ZC3H12B: variants seen among roughly 807,000 people sequenced by gnomAD.
ZC3H12B encodes the protein zinc finger CCCH-type containing 12B, also known as probable ribonuclease ZC3H12B.
In ZC3H12B, 7 loss-of-function variants were observed where a neutral mutation model predicts 43.9. The ratio of observed to expected loss-of-function variants is 0.16; its 90% CI spans 0.09 to 0.30. The LOEUF (loss-of-function observed/expected upper bound fraction) is 0.30. ZC3H12B is among the 10% of genes least tolerant of loss of function. The pLI is 1.00. For synonymous variants in ZC3H12B, 222 were observed against 241.7 expected, an observed-to-expected ratio of 0.92 and a Z score of 0.76; for missense variants, 475 against 670.2, an observed-to-expected ratio of 0.71 and a Z score of 3.22.
At chrX:65,354,287 C>T in the ZC3H12B span, among the ~76,000 whole-genome samples, 1 of 112,120 alleles carries the variant, frequency 8.9e-6, no homozygotes, top group Non-Finnish European at 1.9e-5. Flanking sequence ...CTTTGCTGTT[C>T]TGCAACATCT....
At chrX:65,265,806 A>G in the ZC3H12B span, among the ~76,000 whole-genome samples, 1 of 112,179 alleles carries the variant, frequency 8.9e-6, no homozygotes, top group African/African-American at 3.2e-5. Flanking sequence ...ATAAATAATA[A>G]GAAAACCAGC....
At chrX:65,058,702 C>A in the ZC3H12B span, among the ~76,000 whole-genome samples, 1 of 112,054 alleles carries the variant, frequency 8.9e-6, no homozygotes, top group Non-Finnish European at 1.9e-5. Context: ...GGCAGACCTC[C>A]TTCAGCTGTG....
At chrX:65,457,553 G>A (rs1302004938) in intron 3 of ZC3H12B, among the ~76,000 whole-genome samples, 30 of 86,065 alleles carry the variant, frequency 3.5e-4, no homozygotes, top group East Asian at 2.6e-3. Flanking sequence ...CCACGACCCC[G>A]TCTGGGAGGT....
At chrX:65,180,463 G>A in the ZC3H12B span, among the ~76,000 whole-genome samples, 2 of 110,263 alleles carry the variant, frequency 1.8e-5, no homozygotes, top group Non-Finnish European at 3.8e-5. Flanking sequence ...AGGAAGAGAG[G>A]AATTCAAATT....
the ZC3H12B span, among the ~76,000 whole-genome samples, chrX:65,317,382 A>T: frequency 4.7e-4 from 52 of 110,697 alleles, no homozygotes; most frequent in Non-Finnish European, 5.5e-4. Context: ...ACTCTTTTAA[A>T]TTTTTTTATT....
At chrX:65,274,397 A>G in the ZC3H12B span, among the ~76,000 whole-genome samples, 4 of 110,378 alleles carry the variant, frequency 3.6e-5, no homozygotes, top group Non-Finnish European at 7.6e-5. Context: ...GCTACTGCAT[A>G]TCTCCAGCAC....
chrX:65,154,916 GTTA>G, the ZC3H12B span, among the ~76,000 whole-genome samples: 1 of 110,236 alleles, frequency 9.1e-6, no homozygotes, highest in African/African-American at 3.3e-5. Flanking sequence ...TTTTTAAATG[GTTA>G]TTATCTATTA....
At chrX:65,477,391 ACACAC>A (rs2068007978) in intron 3 of ZC3H12B, among the ~76,000 whole-genome samples, 1 of 111,336 alleles carries the variant, frequency 9.0e-6, no homozygotes, top group African/African-American at 3.3e-5. Context: ...ACACACACAC[ACACAC>A]AACAGGAGTT....
At chrX:65,281,131 G>A in the ZC3H12B span, among the ~76,000 whole-genome samples, 9 of 110,469 alleles carry the variant, frequency 8.1e-5, no homozygotes, top group Admixed American at 3.9e-4. Context: ...CTAAACAGCT[G>A]TAATAACCAA....
the ZC3H12B span, among the ~76,000 whole-genome samples, chrX:65,151,982 A>T: frequency 8.9e-6 from 1 of 112,221 alleles, no homozygotes; most frequent in Non-Finnish European, 1.9e-5. Context: ...GACAAAAAAC[A>T]CATGATTATC....
At chrX:65,196,103 C>T in the ZC3H12B span, among the ~76,000 whole-genome samples, 2 of 110,173 alleles carry the variant, frequency 1.8e-5, no homozygotes, top group South Asian at 4.0e-4. Context: ...GAATCAAGGG[C>T]CTGCAGGAAC....
At chrX:65,114,172 A>G in the ZC3H12B span, among the ~76,000 whole-genome samples, 2 of 106,081 alleles carry the variant, frequency 1.9e-5, no homozygotes, top group Admixed American at 1.0e-4. Context: ...GTAGTCTGCT[A>G]AAGATTTTTG....
intron 2 of ZC3H12B, among the ~76,000 whole-genome samples, chrX:65,390,881 T>C (rs977255522): frequency 8.9e-6 from 1 of 112,070 alleles, no homozygotes; most frequent in Non-Finnish European, 1.9e-5. Context: ...GCATCTTCTC[T>C]GGCAAAACAG....
the ZC3H12B span, among the ~76,000 whole-genome samples, chrX:65,359,215 G>C: frequency 9.0e-6 from 1 of 111,224 alleles, no homozygotes; most frequent in African/African-American, 3.3e-5. Flanking sequence ...AGTCACGCAA[G>C]AGCTCTGATG....
intron 3 of ZC3H12B, among the ~76,000 whole-genome samples, chrX:65,473,387 A>C (rs915521220): frequency 9.0e-6 from 1 of 111,399 alleles, no homozygotes; most frequent in South Asian, 3.7e-4. Context: ...TTCTTTGGCT[A>C]TTCAGGGTCT....
At chrX:65,055,653 G>T in the ZC3H12B span, among the ~76,000 whole-genome samples, 45 of 111,906 alleles carry the variant, frequency 4.0e-4, 1 homozygote, top group African/African-American at 1.4e-3. Context: ...AATAGTTTCA[G>T]AGGGAATGGT....
chrX:65,270,771 A>G, the ZC3H12B span: 1 of 111,929 alleles, frequency 8.9e-6, no homozygotes, highest in Non-Finnish European at 1.9e-5. Flanking sequence ...CTTCTGGAAG[A>G]GTCATGAAGG....
chrX:65,228,465 A>T, the ZC3H12B span, among the ~76,000 whole-genome samples: 1 of 111,295 alleles, frequency 9.0e-6, no homozygotes, highest in Middle Eastern at 4.6e-3. Flanking sequence ...TCCCTTTGAA[A>T]ACTGGCACAA....
At chrX:65,256,251 A>T in the ZC3H12B span, among the ~76,000 whole-genome samples, 7 of 112,319 alleles carry the variant, frequency 6.2e-5, no homozygotes, top group Non-Finnish European at 9.4e-5. Flanking sequence ...TCATCTGCAT[A>T]TGGCACATAG....
Sources: allele counts gnomAD v4.1 joint callset (sites outside exome capture counted in the v4.1 genomes callset), GRCh38; gene constraint gnomAD v4.1.1; transcripts MANE v1.5; gene names NCBI Gene and HGNC (gene_info 2026-07-23, HGNC 2026-07-21).